LYPLAL1: variants seen among roughly 807,000 people sequenced by gnomAD.
LYPLAL1 encodes lysophospholipase-like protein 1.
Under a neutral mutation model 19.7 loss-of-function variants are expected in LYPLAL1, and 23 were observed. That is an observed-to-expected ratio of 1.17 (90% CI 0.84 to 1.65). LYPLAL1 has a LOEUF of 1.65. Ranked by LOEUF, LYPLAL1 falls within the 40% of genes most tolerant of loss-of-function variation. LYPLAL1 has a pLI of 0.00. For synonymous variants in LYPLAL1, 119 were observed against 96.3 expected (o/e 1.24, Z -1.38); for missense variants, 355 against 279.4 (o/e 1.27, Z -1.93).
intron 2 of LYPLAL1, among the ~76,000 whole-genome samples, chr1:219,188,972 A>G (rs1656938869): frequency 6.6e-6 from 1 of 151,748 alleles, no homozygotes; most frequent in Non-Finnish European, 1.5e-5. Flanking sequence ...ATTCTTGTTT[A>G]TGCTTTCTTA....
the LYPLAL1 span, among the ~76,000 whole-genome samples, chr1:219,254,753 G>T: frequency 1.1e-4 from 17 of 151,854 alleles, no homozygotes; most frequent in Non-Finnish European, 2.4e-4. Flanking sequence ...TACGTGTTTT[G>T]GGGATGATCT....
At chr1:219,421,780 G>A in the LYPLAL1 span, among the ~76,000 whole-genome samples, 6 of 151,398 alleles carry the variant, frequency 4.0e-5, no homozygotes, top group South Asian at 6.2e-4. Context: ...CTAGTTTCTC[G>A]GAAAAAAAGG....
chr1:219,422,433 G>A, the LYPLAL1 span, among the ~76,000 whole-genome samples: 11 of 151,978 alleles, frequency 7.2e-5, no homozygotes, highest in Non-Finnish European at 1.0e-4. Flanking sequence ...GGCAGAGGAG[G>A]GTATTAAAAC....
At chr1:219,297,145 A>G in the LYPLAL1 span, among the ~76,000 whole-genome samples, 1 of 152,168 alleles carries the variant, frequency 6.6e-6, no homozygotes, top group Non-Finnish European at 1.5e-5. Flanking sequence ...GACCTTAGGA[A>G]TGAGCTCACA....
chr1:219,442,369 C>G, the LYPLAL1 span, among the ~76,000 whole-genome samples: 63 of 152,274 alleles, frequency 4.1e-4, no homozygotes, highest in African/African-American at 1.4e-3. Flanking sequence ...CTTAGTTCTC[C>G]TTACACACCT....
chr1:219,250,613 TG>T, the LYPLAL1 span, among the ~76,000 whole-genome samples: 70,515 of 151,682 alleles, frequency 0.46, 16,747 homozygotes, highest in East Asian at 0.66. Context: ...GCTTTATCCA[TG>T]TCCCTGCAAA....
chr1:219,378,610 G>A, the LYPLAL1 span, among the ~76,000 whole-genome samples: 2 of 152,080 alleles, frequency 1.3e-5, no homozygotes, highest in Non-Finnish European at 2.9e-5. Context: ...CAGGGGAGGT[G>A]GAGAGAAGGT....
At chr1:219,227,597 C>G in the LYPLAL1 span, among the ~76,000 whole-genome samples, 7 of 151,914 alleles carry the variant, frequency 4.6e-5, no homozygotes, top group Non-Finnish European at 1.0e-4. Flanking sequence ...TTTTGCTGTA[C>G]AACATGACTT....
chr1:219,376,532 A>G, the LYPLAL1 span, among the ~76,000 whole-genome samples: 3 of 152,240 alleles, frequency 2.0e-5, no homozygotes, highest in Non-Finnish European at 4.4e-5. Context: ...GAGTGAAAAG[A>G]CAAGTCATGG....
the LYPLAL1 span, chr1:219,411,831 A>G: frequency 6.0e-6 from 1 of 166,784 alleles, no homozygotes; most frequent in Non-Finnish European, 1.3e-5. Context: ...ACGCCACCTT[A>G]AGAGCTGTAA....
chr1:219,311,783 T>C, the LYPLAL1 span, among the ~76,000 whole-genome samples: 1 of 152,228 alleles, frequency 6.6e-6, no homozygotes, highest in East Asian at 1.9e-4. Flanking sequence ...TAAGCACTGA[T>C]TTTGTACCTG....
chr1:219,205,350 C>T (rs1422227932), intron 3 of LYPLAL1, among the ~76,000 whole-genome samples: 1 of 118,698 alleles, frequency 8.4e-6, no homozygotes, highest in East Asian at 2.6e-4. Context: ...GGCGACAGAG[C>T]GAGACTCCGT....
the LYPLAL1 span, among the ~76,000 whole-genome samples, chr1:219,433,735 G>T: frequency 6.6e-6 from 1 of 152,254 alleles, no homozygotes; most frequent in Non-Finnish European, 1.5e-5. Flanking sequence ...AGCTACATGG[G>T]TGTCAGCCTA....
the LYPLAL1 span, among the ~76,000 whole-genome samples, chr1:219,387,584 C>T: frequency 1.3e-5 from 2 of 152,270 alleles, no homozygotes; most frequent in East Asian, 1.9e-4. Context: ...CTATAATTTT[C>T]GTTCATCCAA....
the LYPLAL1 span, among the ~76,000 whole-genome samples, chr1:219,247,518 T>C: frequency 1.3e-5 from 2 of 152,188 alleles, no homozygotes; most frequent in Admixed American, 6.5e-5. Flanking sequence ...GCTCTTTCCC[T>C]TATGATCCAG....
At chr1:219,294,059 A>G in the LYPLAL1 span, among the ~76,000 whole-genome samples, 1 of 152,342 alleles carries the variant, frequency 6.6e-6, no homozygotes, top group African/African-American at 2.4e-5. Flanking sequence ...CTTCTCCTTT[A>G]GGCTACCATT....
the LYPLAL1 span, among the ~76,000 whole-genome samples, chr1:219,419,594 C>CACACACACACACACACAG: frequency 1.2e-3 from 121 of 99,590 alleles, 2 homozygotes; most frequent in African/African-American, 2.3e-3. Context: ...CACACACACA[C>CACACACACACACACACAG]AGAGAGAGAG....
At chr1:219,258,505 A>C in the LYPLAL1 span, among the ~76,000 whole-genome samples, 8 of 152,032 alleles carry the variant, frequency 5.3e-5, no homozygotes, top group African/African-American at 1.7e-4. Flanking sequence ...ACTTTCAACT[A>C]TACTATGCTC....
chr1:219,307,529 GC>G, the LYPLAL1 span, among the ~76,000 whole-genome samples: 1 of 152,138 alleles, frequency 6.6e-6, no homozygotes, highest in Admixed American at 6.5e-5. Context: ...GGCTGAAATT[GC>G]CTAATTAATA....
Sources: allele counts gnomAD v4.1 joint callset (sites outside exome capture counted in the v4.1 genomes callset), GRCh38; gene constraint gnomAD v4.1.1; transcripts MANE v1.5; gene names NCBI Gene and HGNC (gene_info 2026-07-23, HGNC 2026-07-21).